The following HMCN1 variants were observed in gnomAD, a reference collection of about 807,000 sequenced individuals.
The protein encoded by HMCN1 is hemicentin-1.
Under a neutral mutation model 625.9 loss-of-function variants are expected in HMCN1, and 321 were observed. The ratio of observed to expected loss-of-function variants is 0.51; its 90% CI spans 0.47 to 0.56. The LOEUF is 0.56. Ranked by LOEUF, HMCN1 falls within the 20% of genes least tolerant of loss-of-function variation. HMCN1 has a pLI of 0.00. For missense variants in HMCN1, 6,588 were observed against 6,887.3 expected, an observed-to-expected ratio of 0.96 and a Z score of 1.54; for synonymous variants, 2,425 against 2,417.6, an observed-to-expected ratio of 1.00 and a Z score of -0.09.
chr1:186,059,152 C>T (rs944847043), intron 46 of HMCN1, among the ~76,000 whole-genome samples: 2 of 151,898 alleles, frequency 1.3e-5, no homozygotes, highest in African/African-American at 4.8e-5. Flanking sequence ...TTGTGGTCTC[C>T]CTGTCCTGGG....
chr1:185,980,363 G>A (rs956653776), intron 16 of HMCN1, among the ~76,000 whole-genome samples: 2 of 152,218 alleles, frequency 1.3e-5, no homozygotes, highest in East Asian at 1.9e-4. Context: ...CTAAAGTTCT[G>A]TCTTTCTTCT....
At chr1:185,945,647 A>G (rs1044510678) in intron 11 of HMCN1, among the ~76,000 whole-genome samples, 9 of 152,206 alleles carry the variant, frequency 5.9e-5, no homozygotes, top group Admixed American at 5.9e-4. Flanking sequence ...AGAGGTGATT[A>G]TGCCTCAGGT....
At chr1:185,769,841 A>C (rs1656118355) in intron 1 of HMCN1, among the ~76,000 whole-genome samples, 2 of 152,264 alleles carry the variant, frequency 1.3e-5, no homozygotes, top group African/African-American at 4.8e-5. Flanking sequence ...CCATCATCAC[A>C]GATGCTAGCT....
chr1:186,144,743 A>G (rs1479748809), intron 91 of HMCN1, 40 bp downstream of exon 91: 3 of 1,608,168 alleles, frequency 1.9e-6, no homozygotes, highest in Non-Finnish European at 2.6e-6. Flanking sequence ...ATACTTTCAT[A>G]AAGTTTCATT....
At chr1:186,147,478 G>GA (rs998207450) in intron 93 of HMCN1, among the ~76,000 whole-genome samples, 28 of 148,692 alleles carry the variant, frequency 1.9e-4, no homozygotes, top group Non-Finnish European at 3.4e-4. Context: ...GAATCATCAT[G>GA]AAAAAATGTT....
Position 186,144,273 on chromosome 1 carries a change from A to G in HMCN1, c.14025A>G (p.Pro4675=). Residue 4675 remains proline, a synonymous_variant, in exon 90 of 107, where the codon CCA becomes CCG. Transcript: ENST00000271588. ...TRARLCNNPP[P]AFGGSYCDGA... ...CAAGACTTTGTAATAACCCACCACC[A>G]GCGTTTGGTGGGTCCTACTGTGATG... is the stretch of plus-strand genomic sequence containing the variant. The G allele has an allele frequency of 5.0e-6, 8 of 1,613,914 alleles. No individual in the cohort carries two copies. Among genetic ancestry groups the G allele is most frequent in the Non-Finnish European group, 6.8e-6 (8 of 1,179,828 alleles).
chr1:185,884,301 A>C (rs1664500373), intron 4 of HMCN1, among the ~76,000 whole-genome samples: 1 of 151,914 alleles, frequency 6.6e-6, no homozygotes, highest in Non-Finnish European at 1.5e-5. Context: ...TCTTAACCTC[A>C]TGGGGCTTAC....
At chr1:185,794,288 A>T (rs1371523393) in intron 1 of HMCN1, among the ~76,000 whole-genome samples, 2 of 152,016 alleles carry the variant, frequency 1.3e-5, no homozygotes, top group Non-Finnish European at 2.9e-5. Flanking sequence ...TTGAATGTAT[A>T]CAGTACATTT....
At chr1:185,847,483 A>G (rs759503228) in intron 2 of HMCN1, among the ~76,000 whole-genome samples, 2 of 152,218 alleles carry the variant, frequency 1.3e-5, no homozygotes, top group Admixed American at 6.5e-5. Flanking sequence ...TACTCAGAGC[A>G]AGTGACCTCA....
chr1:186,041,052 C>A lies in HMCN1; in HGVS notation c.6220C>A (p.Gln2074Lys), dbSNP rs200822474. ...GGRILALTSA[Q>K]ISDTGRYTCV... ...TCGAATCCTAGCATTGACCAGTGCACAAATCAGCGACACAGGAAGGTACAC... is the reference window on the plus strand; with the variant it reads ...TCGAATCCTAGCATTGACCAGTGCAAAAATCAGCGACACAGGAAGGTACAC... The change falls in exon 40 of 107, where the codon CAA becomes AAA. Residue 2074 changes from glutamine (Q) to lysine (K), a missense_variant. Coordinates refer to ENST00000271588, the MANE Select transcript of HMCN1 (RefSeq NM_031935.3). 2.1e-4 allele frequency: 346 copies of A among 1,612,912 alleles called. 1 individual carries two copies. Among genetic ancestry groups the A allele is most frequent in the Non-Finnish European group, 2.7e-4 (315 of 1,179,178 alleles).
chr1:185,873,372 G>A lies in HMCN1; in HGVS notation c.621+7509G>A, dbSNP rs576013741. Among the ~76,000 whole-genome samples the A allele has an allele frequency of 1.4e-4, 21 of 152,144 alleles. No individual in the cohort carries two copies. In the South Asian group the frequency reaches 1.7e-3, roughly 12 times the overall value. Reference sequence around the variant, plus strand: ...TGGTCTTTATTTTTACTGGAGTTGTGGTGGAAACTAAAGATTTGAATTGAG... The same window carrying A: ...TGGTCTTTATTTTTACTGGAGTTGTAGTGGAAACTAAAGATTTGAATTGAG... On this transcript the variant is annotated intron_variant, in intron 4 of 106. Transcript: ENST00000271588.
chr1:186,053,948 C>T lies in HMCN1; in HGVS notation c.6824C>T (p.Ala2275Val). The T allele has an allele frequency of 1.2e-6, 2 of 1,612,650 alleles. No homozygotes were observed. The highest frequency in any genetic ancestry group is 2.2e-5 in the South Asian group (2 of 91,070). Reference sequence around the variant, plus strand: ...TATTCATGTGTGGCGTCGAATGTTGCTGGGACTGCAAAGAAAGAATACAAT... The same window carrying T: ...TATTCATGTGTGGCGTCGAATGTTGTTGGGACTGCAAAGAAAGAATACAAT... ...ALYSCVASNV[A>V]GTAKKEYNLQ... The change falls in exon 44 of 107, where the codon GCT becomes GTT. Residue 2275 changes from alanine (A) to valine (V), a missense_variant. Transcript: ENST00000271588.
At chr1:186,001,267 C>T in intron 26 of HMCN1, 31 bp from the exon 27 acceptor site, 1 of 1,586,848 alleles carries the variant, frequency 6.3e-7, no homozygotes, top group Non-Finnish European at 8.6e-7. Flanking sequence ...TATTATGAAA[C>T]TAGCTAGCTA....
intron 6 of HMCN1, among the ~76,000 whole-genome samples, chr1:185,919,630 A>G (rs1400647070): frequency 2.6e-5 from 4 of 152,144 alleles, no homozygotes; most frequent in Non-Finnish European, 4.4e-5. Context: ...GCAGTTCAGC[A>G]TATTTCAACA....
At chr1:185,842,551 G>A (rs1259036089) in intron 1 of HMCN1, among the ~76,000 whole-genome samples, 3 of 150,558 alleles carry the variant, frequency 2.0e-5, no homozygotes, top group Non-Finnish European at 4.4e-5. Flanking sequence ...GCAACATAAT[G>A]AGACCCTGTC....
intron 11 of HMCN1, among the ~76,000 whole-genome samples, chr1:185,946,352 T>A (rs1668345888): frequency 6.6e-6 from 1 of 152,150 alleles, no homozygotes; most frequent in South Asian, 2.1e-4. Flanking sequence ...TAACCAACTT[T>A]TGATAGGCAA....
intron 11 of HMCN1, among the ~76,000 whole-genome samples, chr1:185,943,648 C>CAA (rs1433151836): frequency 1.3e-5 from 2 of 152,192 alleles, no homozygotes; most frequent in African/African-American, 4.8e-5. Context: ...ATGTGTTCAA[C>CAA]AGCCCAGAAG....
chr1:186,149,642 A>T (rs1650550715), intron 93 of HMCN1, among the ~76,000 whole-genome samples: 1 of 152,184 alleles, frequency 6.6e-6, no homozygotes, highest in African/African-American at 2.4e-5. Flanking sequence ...TAACTCTTTG[A>T]TGCAAGAGGC....
chr1:186,039,334 T>C (rs1051721109), intron 38 of HMCN1, among the ~76,000 whole-genome samples: 12 of 152,134 alleles, frequency 7.9e-5, no homozygotes, highest in Non-Finnish European at 7.4e-5. Context: ...TTATCTCTAA[T>C]AATGCTTTTA....
Sources: gnomAD v4.1 joint callset for allele counts (sites outside exome capture counted in the v4.1 genomes callset) on GRCh38, gnomAD v4.1.1 for gene constraint, MANE v1.5 for transcripts, NCBI Gene and HGNC (gene_info 2026-07-23, HGNC 2026-07-21) for gene names.